LYPLAL1: variants seen among roughly 807,000 people sequenced by gnomAD.
The protein encoded by LYPLAL1 is lysophospholipase like 1.
A neutral mutation model predicts 19.7 loss-of-function variants in LYPLAL1; 23 were observed. The observed-to-expected ratio is 1.17, with a 90% CI of 0.84 to 1.65. The LOEUF (loss-of-function observed/expected upper bound fraction) is 1.65. Among genes scored for constraint, LYPLAL1 ranks in the 40% most tolerant of loss-of-function variants. The pLI is 0.00. For synonymous variants in LYPLAL1, 119 were observed against 96.3 expected (o/e 1.24, Z -1.38); for missense variants, 355 against 279.4 (o/e 1.27, Z -1.93).
chr1:219,443,383 CT>C, the LYPLAL1 span, among the ~76,000 whole-genome samples: 30 of 152,124 alleles, frequency 2.0e-4, no homozygotes, highest in African/African-American at 7.2e-4. Flanking sequence ...ATCTACTAAG[CT>C]TTACTTTTTA....
At chr1:219,196,057 A>G (rs1558233879) in intron 3 of LYPLAL1, among the ~76,000 whole-genome samples, 1 of 151,986 alleles carries the variant, frequency 6.6e-6, no homozygotes, top group Non-Finnish European at 1.5e-5. Context: ...CATGTACCAC[A>G]TTTTCTTTAC....
At chr1:219,296,989 G>A in the LYPLAL1 span, among the ~76,000 whole-genome samples, 5 of 152,182 alleles carry the variant, frequency 3.3e-5, no homozygotes, top group East Asian at 1.9e-4. Flanking sequence ...AGACGTGCCC[G>A]CTAATAACTG....
the LYPLAL1 span, among the ~76,000 whole-genome samples, chr1:219,413,597 T>C: frequency 2.0e-5 from 3 of 152,240 alleles, no homozygotes; most frequent in Admixed American, 6.5e-5. Context: ...TAATTCTTCC[T>C]GAGTGCTTGC....
intron 2 of LYPLAL1, among the ~76,000 whole-genome samples, chr1:219,191,889 G>A (rs1264725110): frequency 2.6e-5 from 4 of 151,336 alleles, no homozygotes; most frequent in African/African-American, 9.7e-5. Context: ...TTCTATTTGA[G>A]TAAATAAAAG....
At position 219,212,244 on chromosome 1, in the gene LYPLAL1, T is replaced by TA. The variant is rs1409645080; in HGVS notation, c.*519dup. On this transcript the variant is annotated 3_prime_UTR_variant, in exon 5 of 5. Coordinates refer to ENST00000366928, the MANE Select transcript of LYPLAL1 (RefSeq NM_138794.5). ...TATTTAATAATAGCAATAGAGGAGT[T>TA]AAAGACTTTCCCACAGCTTGCAGGT... 5.3e-5 allele frequency: 8 copies of TA among 152,038 alleles called. No individual in the cohort carries two copies. The highest frequency in any genetic ancestry group is 1.0e-4 in the Non-Finnish European group (7 of 67,980). 9.4% of individuals were successfully genotyped at this position (152,038 alleles called of 1,614,324 possible). A position where few individuals can be genotyped will look rare whatever the true frequency, so the allele number is the denominator to read the frequency against.
the LYPLAL1 span, among the ~76,000 whole-genome samples, chr1:219,374,967 G>A: frequency 6.6e-6 from 1 of 152,126 alleles, no homozygotes; most frequent in East Asian, 1.9e-4. Flanking sequence ...TCCTTATTCA[G>A]CAGCATACAA....
chr1:219,244,063 TC>T, the LYPLAL1 span, among the ~76,000 whole-genome samples: 1 of 151,150 alleles, frequency 6.6e-6, no homozygotes, highest in Non-Finnish European at 1.5e-5. Flanking sequence ...CTAAAAAGAA[TC>T]CCCTCAGAGG....
chr1:219,425,318 G>A, the LYPLAL1 span, among the ~76,000 whole-genome samples: 3 of 152,112 alleles, frequency 2.0e-5, no homozygotes, highest in Non-Finnish European at 4.4e-5. Context: ...TCGGACCATA[G>A]CACCATTAGT....
At chr1:219,200,995 C>T (rs1214365017) in intron 3 of LYPLAL1, among the ~76,000 whole-genome samples, 2 of 152,116 alleles carry the variant, frequency 1.3e-5, no homozygotes, top group Non-Finnish European at 2.9e-5. Flanking sequence ...TTTAGCTGAA[C>T]TTTTTTAAGA....
the LYPLAL1 span, among the ~76,000 whole-genome samples, chr1:219,297,513 T>C: frequency 2.0e-5 from 3 of 152,334 alleles, no homozygotes. Context: ...GAATAAAAAG[T>C]GGTTCTGAAA....
At chr1:219,260,993 A>G in the LYPLAL1 span, among the ~76,000 whole-genome samples, 9 of 152,220 alleles carry the variant, frequency 5.9e-5, no homozygotes, top group South Asian at 1.9e-3. Context: ...TCCTTGGGTC[A>G]CAAAGAAAAT....
At chr1:219,228,547 G>A in the LYPLAL1 span, among the ~76,000 whole-genome samples, 6 of 151,934 alleles carry the variant, frequency 3.9e-5, no homozygotes, top group Non-Finnish European at 5.9e-5. Flanking sequence ...TGTTTACTAC[G>A]ATTACGTGTA....
At chr1:219,369,792 C>G in the LYPLAL1 span, among the ~76,000 whole-genome samples, 2 of 152,140 alleles carry the variant, frequency 1.3e-5, no homozygotes, top group Admixed American at 6.5e-5. Flanking sequence ...TAAATGTATC[C>G]TCATACACAA....
At chr1:219,250,926 T>C in the LYPLAL1 span, among the ~76,000 whole-genome samples, 1 of 152,020 alleles carries the variant, frequency 6.6e-6, no homozygotes, top group African/African-American at 2.4e-5. Context: ...CCACCAACAG[T>C]GTATAAGTGT....
chr1:219,292,029 G>T, the LYPLAL1 span, among the ~76,000 whole-genome samples: 1 of 152,138 alleles, frequency 6.6e-6, no homozygotes, highest in Admixed American at 6.5e-5. Flanking sequence ...CTCTTCAAAA[G>T]CAGGCACCTG....
At chr1:219,279,646 G>T in the LYPLAL1 span, among the ~76,000 whole-genome samples, 6 of 152,258 alleles carry the variant, frequency 3.9e-5, no homozygotes, top group East Asian at 9.6e-4. Context: ...CTAGTTTGTT[G>T]TTCAGATAAT....
downstream of LYPLAL1, among the ~76,000 whole-genome samples, chr1:219,215,083 G>C (rs1022688457): frequency 1.3e-5 from 2 of 151,964 alleles, no homozygotes; most frequent in African/African-American, 4.8e-5. Context: ...TCAATTTTTT[G>C]TGAAGACCTG....
the LYPLAL1 span, among the ~76,000 whole-genome samples, chr1:219,293,716 C>G: frequency 6.6e-6 from 1 of 152,204 alleles, no homozygotes; most frequent in Non-Finnish European, 1.5e-5. Flanking sequence ...GACTGAGCCA[C>G]TAGACATGTG....
the LYPLAL1 span, among the ~76,000 whole-genome samples, chr1:219,438,694 C>T: frequency 6.6e-6 from 1 of 152,140 alleles, no homozygotes; most frequent in African/African-American, 2.4e-5. Flanking sequence ...TGAAATTATT[C>T]ATACTACAGA....
Sources: gnomAD v4.1 joint callset for allele counts (sites outside exome capture counted in the v4.1 genomes callset) on GRCh38, gnomAD v4.1.1 for gene constraint, MANE v1.5 for transcripts, NCBI Gene and HGNC (gene_info 2026-07-23, HGNC 2026-07-21) for gene names.